The following GRM5 variants were observed in gnomAD, a reference collection of about 807,000 sequenced individuals.
GRM5 encodes metabotropic glutamate receptor 5.
GRM5 carries 19 observed loss-of-function variants against 83.1 expected under a neutral mutation model. The observed-to-expected ratio is 0.23, with a 90% CI of 0.16 to 0.34. The LOEUF is 0.34. GRM5 is among the 10% of genes least tolerant of loss of function. The pLI, the probability that GRM5 is intolerant of heterozygous loss-of-function variation, is 1.00. For missense variants in GRM5, 1,160 were observed against 1,588.3 expected, an observed-to-expected ratio of 0.73 and a Z score of 4.58; for synonymous variants, 675 against 633.6, an observed-to-expected ratio of 1.07 and a Z score of -0.98.
At chr11:88,667,718 A>G (rs1591426637) in intron 3 of GRM5, among the ~76,000 whole-genome samples, 1 of 151,870 alleles carries the variant, frequency 6.6e-6, no homozygotes, top group Non-Finnish European at 1.5e-5. Context: ...ATGGTGAAAC[A>G]CCGTCTCTAC....
chr11:89,026,768 A>G (rs1476534227), intron 2 of GRM5, among the ~76,000 whole-genome samples: 2 of 152,220 alleles, frequency 1.3e-5, no homozygotes, highest in East Asian at 3.9e-4. Flanking sequence ...TTACCTTTAA[A>G]TGGAATACTT....
chr11:88,876,812 G>A (rs1170093943), intron 2 of GRM5, among the ~76,000 whole-genome samples: 2 of 151,944 alleles, frequency 1.3e-5, no homozygotes, highest in Non-Finnish European at 2.9e-5. Flanking sequence ...AACATAGATA[G>A]GCATGATTTG....
intron 3 of GRM5, among the ~76,000 whole-genome samples, chr11:88,814,509 T>C (rs1943637398): frequency 6.6e-6 from 1 of 152,304 alleles, no homozygotes; most frequent in Admixed American, 6.5e-5. Context: ...TAGGAAGTCT[T>C]ATAATTCACA....
At chr11:88,578,802 C>A (rs1591361255) in intron 7 of GRM5, among the ~76,000 whole-genome samples, 2 of 151,954 alleles carry the variant, frequency 1.3e-5, no homozygotes, top group African/African-American at 2.4e-5. Flanking sequence ...AACCAGAACA[C>A]AACATTGTTG....
intron 2 of GRM5, among the ~76,000 whole-genome samples, chr11:88,945,248 C>T (rs1299559337): frequency 2.0e-5 from 3 of 151,566 alleles, no homozygotes; most frequent in Non-Finnish European, 4.4e-5. Flanking sequence ...ATAGATGACA[C>T]AAAACAAATG....
At chr11:88,777,869 G>A (rs890679547) in intron 3 of GRM5, among the ~76,000 whole-genome samples, 1 of 152,068 alleles carries the variant, frequency 6.6e-6, no homozygotes, top group Non-Finnish European at 1.5e-5. Context: ...GTACCTGTCG[G>A]CCCCTACTTG....
intron 3 of GRM5, among the ~76,000 whole-genome samples, chr11:88,680,241 C>G (rs975326911): frequency 6.6e-6 from 1 of 152,062 alleles, no homozygotes; most frequent in African/African-American, 2.4e-5. Context: ...CCACTCCCCC[C>G]ACCCCACAAC....
chr11:88,555,173 C>G (rs373528642), intron 8 of GRM5, among the ~76,000 whole-genome samples: 1 of 152,122 alleles, frequency 6.6e-6, no homozygotes, highest in Admixed American at 6.6e-5. Context: ...ATATCTGACT[C>G]ATATCACTGG....
chr11:88,928,483 TG>T (rs1295018235), intron 2 of GRM5, among the ~76,000 whole-genome samples: 4,693 of 99,192 alleles, frequency 0.047, 218 homozygotes, highest in African/African-American at 0.11. Context: ...TATATATATA[TG>T]TATATATGTA....
intron 3 of GRM5, among the ~76,000 whole-genome samples, chr11:88,662,579 C>A (rs891902953): frequency 1.3e-5 from 2 of 152,122 alleles, no homozygotes; most frequent in African/African-American, 4.8e-5. Context: ...TCCAAACAAG[C>A]TGACTTTAAA....
At chr11:88,946,272 T>C (rs369438445) in intron 2 of GRM5, among the ~76,000 whole-genome samples, 1 of 152,090 alleles carries the variant, frequency 6.6e-6, no homozygotes, top group Non-Finnish European at 1.5e-5. Flanking sequence ...GCAATTATTA[T>C]ATACTGTCGG....
chr11:88,781,542 A>G (rs1158567753), intron 3 of GRM5, among the ~76,000 whole-genome samples: 1 of 152,164 alleles, frequency 6.6e-6, no homozygotes, highest in Non-Finnish European at 1.5e-5. Context: ...CAGAATTTCC[A>G]GGCAGGCTGA....
At chr11:88,895,265 C>A (rs1200860785) in intron 2 of GRM5, among the ~76,000 whole-genome samples, 1 of 151,856 alleles carries the variant, frequency 6.6e-6, no homozygotes. Context: ...TAATTACAAT[C>A]TTTTTGAAAT....
At chr11:88,545,187 G>A (rs752363462) in intron 8 of GRM5, among the ~76,000 whole-genome samples, 2 of 152,104 alleles carry the variant, frequency 1.3e-5, no homozygotes, top group Admixed American at 6.5e-5. Context: ...CTGGGTCTCA[G>A]TTCTTGGACT....
intron 2 of GRM5, among the ~76,000 whole-genome samples, chr11:88,901,534 T>C (rs1452734876): frequency 6.6e-6 from 1 of 152,182 alleles, no homozygotes; most frequent in Non-Finnish European, 1.5e-5. Context: ...GTTTCCCTAA[T>C]TGCTGTGATG....
At chr11:88,642,379 T>C (rs1487809793) in intron 4 of GRM5, among the ~76,000 whole-genome samples, 2 of 152,146 alleles carry the variant, frequency 1.3e-5, no homozygotes, top group Non-Finnish European at 2.9e-5. Flanking sequence ...CAAGGGTCTC[T>C]GAAATGCCTA....
chr11:88,905,054 T>A (rs1945380551), intron 2 of GRM5, among the ~76,000 whole-genome samples: 1 of 152,176 alleles, frequency 6.6e-6, no homozygotes, highest in African/African-American at 2.4e-5. Context: ...GTGTCATACA[T>A]CTTCATCCAA....
chr11:88,702,526 G>C (rs1375120990), intron 3 of GRM5, among the ~76,000 whole-genome samples: 1 of 151,986 alleles, frequency 6.6e-6, no homozygotes, highest in East Asian at 1.9e-4. Context: ...TTGGCTTTCT[G>C]GGAAGGTAAC....
intron 1 of GRM5, among the ~76,000 whole-genome samples, chr11:89,048,987 G>A (rs542313078): frequency 4.6e-5 from 7 of 152,262 alleles, no homozygotes; most frequent in African/African-American, 1.4e-4. Flanking sequence ...AAGTTAAAAA[G>A]TGCTATATAT....
Sources: gnomAD v4.1 joint callset for allele counts (sites outside exome capture counted in the v4.1 genomes callset) on GRCh38, gnomAD v4.1.1 for gene constraint, MANE v1.5 for transcripts, NCBI Gene and HGNC (gene_info 2026-07-23, HGNC 2026-07-21) for gene names.